The following CORO7 variants were observed in gnomAD, a reference collection of about 807,000 sequenced individuals.
CORO7 encodes the protein coronin-7.
In CORO7, 107 loss-of-function variants were observed where a neutral mutation model predicts 126.6. That is an observed-to-expected ratio of 0.85 (90% CI 0.72 to 0.99). The LOEUF (loss-of-function observed/expected upper bound fraction) is 0.99, where lower values mean the gene tolerates loss of function less well. CORO7 is among the 50% of genes least tolerant of loss of function. The pLI is 0.00. For missense variants in CORO7, 1,314 were observed against 1,255.8 expected (o/e 1.05, Z -0.70); for synonymous variants, 603 against 536.8 (o/e 1.12, Z -1.70).
intron 6 of CORO7, among the ~76,000 whole-genome samples, chr16:4,397,998 A>G (rs1212509721): frequency 6.6e-6 from 1 of 152,062 alleles, no homozygotes; most frequent in Non-Finnish European, 1.5e-5. Flanking sequence ...CTCACTGCAA[A>G]TCAACCTCCT....
intron 16 of CORO7, chr16:4,361,755 G>A: frequency 2.4e-6 from 2 of 823,162 alleles, no homozygotes; most frequent in Non-Finnish European, 4.0e-6. Context: ...TTACACAGCT[G>A]TGTGACCCGG....
intron 9 of CORO7, among the ~76,000 whole-genome samples, chr16:4,386,572 G>A (rs2141261012): frequency 6.6e-6 from 1 of 152,184 alleles, no homozygotes; most frequent in Non-Finnish European, 1.5e-5. Context: ...AGGCCCGGGA[G>A]CTCCGACTCC....
intron 9 of CORO7, chr16:4,382,511 A>C (rs974963282): frequency 2.5e-6 from 4 of 1,591,366 alleles, no homozygotes; most frequent in Non-Finnish European, 3.4e-6. Flanking sequence ...CGGGTGCCGG[A>C]GGGCGAGGAG....
intron 9 of CORO7, among the ~76,000 whole-genome samples, chr16:4,368,582 T>C (rs1355413268): frequency 1.3e-5 from 2 of 151,442 alleles, no homozygotes; most frequent in Admixed American, 1.3e-4. Context: ...AACTCGTCTC[T>C]ACTAAAAATG....
chr16:4,407,080 TG>T (rs2056027575), intron 5 of CORO7, among the ~76,000 whole-genome samples: 1 of 152,172 alleles, frequency 6.6e-6, no homozygotes, highest in Non-Finnish European at 1.5e-5. Context: ...TCTGAGTAGC[TG>T]GGATTACAGG....
chr16:4,378,061 GT>G (rs2054811925), intron 9 of CORO7, among the ~76,000 whole-genome samples: 2 of 152,162 alleles, frequency 1.3e-5, no homozygotes, highest in South Asian at 4.1e-4. Context: ...GCTATGGCTG[GT>G]CCCCCTCCCC....
chr16:4,369,445 G>C (rs1016801718), intron 9 of CORO7, among the ~76,000 whole-genome samples: 1 of 152,236 alleles, frequency 6.6e-6, no homozygotes, highest in East Asian at 1.9e-4. Flanking sequence ...ACTGGGAAGG[G>C]CTCTGACCCT....
At chr16:4,403,357 G>A (rs887892925) in intron 6 of CORO7, among the ~76,000 whole-genome samples, 1 of 152,152 alleles carries the variant, frequency 6.6e-6, no homozygotes, top group Non-Finnish European at 1.5e-5. Context: ...AAAAGAAGGT[G>A]GCAGCCGACC....
chr16:4,381,336 C>T, intron 9 of CORO7: 1 of 1,609,330 alleles, frequency 6.2e-7, no homozygotes, highest in Admixed American at 1.7e-5. Context: ...TCCTGGAGCT[C>T]AAGCTGCAGG....
At chr16:4,358,288 C>T (rs777049280) in intron 24 of CORO7, 79 bp downstream of exon 24, 49 of 1,553,414 alleles carry the variant, frequency 3.2e-5, no homozygotes, top group Non-Finnish European at 4.1e-5. Flanking sequence ...AGTTTGGAAG[C>T]TGGGTCAGAC....
At position 4,362,111 on chromosome 16, in the gene CORO7, G is replaced by A. The variant is rs542386241; in HGVS notation, c.1452C>T (p.Asp484=). 208 of 1,613,138 alleles carry A rather than the reference G, an allele frequency of 1.3e-4. 4 individuals carry two copies. The South Asian group carries it at 2.2e-3, about 17-fold the overall frequency. ...RHAQGTVLHR[D]SHITNLKGLN... ...GCCCCTTGAGGTTGGTGATGTGGCT[G>A]TCTCGGTGCAGGACAGTGCCCTGAG... Residue 484 remains aspartate (D), a synonymous_variant, in exon 16 of 28, where the codon GAC becomes GAT. Transcript: ENST00000251166. This position sits in a 1 kb window ranked among gnomAD's most constrained non-coding sequence, Gnocchi z 5.3.
chr16:4,371,660 C>T (rs896057957), intron 9 of CORO7, among the ~76,000 whole-genome samples: 1 of 152,244 alleles, frequency 6.6e-6, no homozygotes, highest in African/African-American at 2.4e-5. Flanking sequence ...CCACGACGGG[C>T]AAGGTCTCCC....
intron 7 of CORO7, among the ~76,000 whole-genome samples, chr16:4,390,526 A>G (rs73509347): frequency 0.055 from 8,354 of 152,288 alleles, 274 homozygotes; most frequent in Admixed American, 0.1. Context: ...GGGAACTGGC[A>G]TCTGCAAAGA....
At chr16:4,395,174 T>G in intron 7 of CORO7, 115 bp downstream of exon 7, 1 of 1,473,592 alleles carries the variant, frequency 6.8e-7, no homozygotes. Context: ...CCCCTGGTGC[T>G]GCAGAACATG....
Position 4,362,563 on chromosome 16 carries a change from CAG to C in CORO7, c.1402+47_1402+48del, listed in dbSNP as rs773458050. ...CACAGGAGGATGACGGGGAGTGGGGCAGACAGGGCTCCTGCGGTAGGGGTGAG... is the reference window on the plus strand; with the variant it reads ...CACAGGAGGATGACGGGGAGTGGGGCACAGGGCTCCTGCGGTAGGGGTGAG... On this transcript the variant is annotated intron_variant, in intron 15 of 27. Coordinates refer to ENST00000251166, the MANE Select transcript of CORO7 (RefSeq NM_024535.5). This position sits in a 1 kb window ranked among gnomAD's most constrained non-coding sequence, Gnocchi z 5.3. 6.7e-7 allele frequency: 1 copy of C among 1,494,968 alleles called. No homozygotes were observed. Among genetic ancestry groups the C allele is most frequent in the South Asian group, 1.4e-5 (1 of 73,176 alleles). 92.6% of individuals were successfully genotyped at this position (1,494,968 alleles called of 1,614,324 possible). A position where few individuals can be genotyped will look rare whatever the true frequency, so the allele number is the denominator to read the frequency against.
At chr16:4,387,062 A>T (rs1240563950) in intron 9 of CORO7, among the ~76,000 whole-genome samples, 1 of 152,124 alleles carries the variant, frequency 6.6e-6, no homozygotes, top group Non-Finnish European at 1.5e-5. Context: ...ACATTCTCGG[A>T]TCCCCCTGCC....
rs2056036601 is a variant in CORO7, at chr16:4,407,287, A to AGT, written c.487+213_487+214insAC. ...TGGAGAAAAACAACAGAAAAAAAAA[A>AGT]AAACAGGTAAGAGGATGAAACTGAT... On this transcript the variant is annotated intron_variant, in intron 5 of 27. Transcript: ENST00000251166. 2.0e-5 allele frequency among the ~76,000 whole-genome samples: 3 copies of AGT among 152,280 alleles called. No individual in the cohort carries two copies. In the East Asian group the frequency reaches 5.8e-4, roughly 29 times the overall value.
At chr16:4,408,277 A>C in intron 3 of CORO7, 26 bp from the exon 4 acceptor site, 1 of 1,614,134 alleles carries the variant, frequency 6.2e-7, no homozygotes, top group Non-Finnish European at 8.5e-7. Flanking sequence ...GGCTGAACCC[A>C]CCGGAATGTC....
In CORO7 at chr16:4,357,190, G is replaced by T; in HGVS notation, c.2663C>A (p.Ser888Tyr). The T allele has an allele frequency of 6.2e-7, 1 of 1,613,874 alleles. No individual in the cohort carries two copies. Residue 888 changes from serine (S) to tyrosine (Y), a missense_variant, in exon 26 of 28, where the codon TCT becomes TAT. Physicochemically the swap from Ser to Tyr is moderately radical, Grantham distance 144 (BLOSUM62 -2). Coordinates refer to ENST00000251166, the MANE Select transcript of CORO7 (RefSeq NM_024535.5). Reference sequence around the variant, plus strand: ...TACCTCCTCCTTCTTTTGCTGGTCAGACTTTTCTTCCAGGTACTGCGCTGA... The same window carrying T: ...TACCTCCTCCTTCTTTTGCTGGTCATACTTTTCTTCCAGGTACTGCGCTGA... ...PSSAQYLEEK[S>Y]DQQKKEELLN... is the part of the protein sequence containing the mutation.
Sources: gnomAD v4.1 joint callset for allele counts (sites outside exome capture counted in the v4.1 genomes callset) on GRCh38, gnomAD v4.1.1 for gene constraint, Gnocchi (gnomAD v3.1) non-coding constraint, MANE v1.5 for transcripts, NCBI Gene and HGNC (gene_info 2026-07-23, HGNC 2026-07-21) for gene names.